SLCO1B1: variants seen among roughly 807,000 people sequenced by gnomAD.
The protein encoded by SLCO1B1 is OATP-2.
SLCO1B1 carries 81 observed loss-of-function variants against 70.1 expected under a neutral mutation model. That is an observed-to-expected ratio of 1.16 (90% CI 0.97 to 1.39). The LOEUF (loss-of-function observed/expected upper bound fraction) is 1.39, where lower values mean the gene tolerates loss of function less well. SLCO1B1 is among the 40% of genes most tolerant of loss of function. SLCO1B1 has a pLI of 0.00. For synonymous variants in SLCO1B1, 283 were observed against 271.5 expected (o/e 1.04, Z -0.42); for missense variants, 895 against 799.6 (o/e 1.12, Z -1.44).
chr12:21,169,573 A>T (rs1053066636), intron 2 of SLCO1B1, among the ~76,000 whole-genome samples: 1 of 152,058 alleles, frequency 6.6e-6, no homozygotes, highest in Non-Finnish European at 1.5e-5. Context: ...TTGGTTCTTC[A>T]TAGTTTATAA....
intron 1 of SLCO1B1, among the ~76,000 whole-genome samples, chr12:21,132,608 G>A (rs903011194): frequency 7.9e-5 from 12 of 152,212 alleles, no homozygotes; most frequent in African/African-American, 2.4e-4. Context: ...ATTTTTTCAC[G>A]TGTTTTTTGG....
chr12:21,222,735 C>G (rs996073997), intron 13 of SLCO1B1, among the ~76,000 whole-genome samples: 2 of 151,844 alleles, frequency 1.3e-5, no homozygotes, highest in Non-Finnish European at 2.9e-5. Flanking sequence ...AATATTTCCT[C>G]CCAGTAGGCA....
intron 1 of SLCO1B1, among the ~76,000 whole-genome samples, chr12:21,134,186 C>T (rs1223777357): frequency 6.6e-6 from 1 of 152,160 alleles, no homozygotes; most frequent in Non-Finnish European, 1.5e-5. Flanking sequence ...ATGAATCCCA[C>T]TTGGTCATGT....
chr12:21,238,092 A>G (rs1021762034), intron 14 of SLCO1B1, among the ~76,000 whole-genome samples: 4 of 152,104 alleles, frequency 2.6e-5, no homozygotes, highest in Admixed American at 1.3e-4. Flanking sequence ...ACCCACTTAT[A>G]TAATTGTCTC....
intron 13 of SLCO1B1, 109 bp downstream of exon 13, chr12:21,222,473 T>G (rs1941440718): frequency 4.0e-6 from 1 of 246,924 alleles, no homozygotes; most frequent in Admixed American, 5.8e-5. Context: ...AATATTAATG[T>G]CAAGGATTAA....
chr12:21,186,959 A>G (rs1940969821), intron 7 of SLCO1B1, among the ~76,000 whole-genome samples: 1 of 152,160 alleles, frequency 6.6e-6, no homozygotes, highest in African/African-American at 2.4e-5. Flanking sequence ...ATTTGGGTTT[A>G]AAAATTTTCA....
At chr12:21,191,579 G>C (rs1941030355) in intron 7 of SLCO1B1, among the ~76,000 whole-genome samples, 1 of 152,014 alleles carries the variant, frequency 6.6e-6, no homozygotes, top group African/African-American at 2.4e-5. Context: ...CCATCTGCAA[G>C]TAGAGGCAAT....
chr12:21,164,906 G>A, intron 2 of SLCO1B1: 1 of 443,606 alleles, frequency 2.3e-6, no homozygotes, highest in Non-Finnish European at 4.4e-6. Flanking sequence ...TGTCATTATT[G>A]GTTTATTGCT....
intron 12 of SLCO1B1, among the ~76,000 whole-genome samples, chr12:21,220,845 A>G (rs2121186686): frequency 6.6e-6 from 1 of 151,694 alleles, no homozygotes; most frequent in South Asian, 2.1e-4. Flanking sequence ...AGAAAACCAC[A>G]AACCAATATC....
At chr12:21,134,097 G>A (rs1351903773) in intron 1 of SLCO1B1, among the ~76,000 whole-genome samples, 4 of 152,152 alleles carry the variant, frequency 2.6e-5, no homozygotes, top group Admixed American at 2.0e-4. Context: ...TGATCATGTA[G>A]TTTTTGTCTT....
At position 21,141,607 on chromosome 12, in the gene SLCO1B1, A is replaced by G; in HGVS notation, c.33A>G (p.Ala11=). 1 of 1,609,314 alleles carries G rather than the reference A, an allele frequency of 6.2e-7. No homozygotes were observed. Among genetic ancestry groups the G allele is most frequent in the Non-Finnish European group, 8.5e-7 (1 of 1,176,526 alleles). The change falls in exon 2 of 15, where the codon GCA becomes GCG. Residue 11 remains alanine (A), a synonymous_variant. Transcript: ENST00000256958. The part of the protein sequence containing the change: MDQNQHLNKT[A]EAQPSENKKT... ...AAAATCAACATTTGAATAAAACAGC[A>G]GAGGCACAACCTTCAGAGAATAAGA...
At chr12:21,180,888 CATACA>C (rs1341010869) in intron 7 of SLCO1B1, among the ~76,000 whole-genome samples, 2 of 152,110 alleles carry the variant, frequency 1.3e-5, no homozygotes, top group African/African-American at 4.8e-5. Context: ...AATTCATCAC[CATACA>C]ATTTCTAACA....
intron 2 of SLCO1B1, among the ~76,000 whole-genome samples, chr12:21,146,758 G>A (rs977567561): frequency 5.9e-5 from 9 of 151,882 alleles, no homozygotes; most frequent in African/African-American, 2.2e-4. Flanking sequence ...TTATCTTTCT[G>A]TTATATTCTA....
At chr12:21,162,190 T>A (rs1258447480) in intron 2 of SLCO1B1, among the ~76,000 whole-genome samples, 1 of 151,886 alleles carries the variant, frequency 6.6e-6, no homozygotes, top group African/African-American at 2.4e-5. Context: ...CACTAATATA[T>A]CCAACAAGAA....
intron 13 of SLCO1B1, 73 bp from the exon 14 acceptor site, chr12:21,224,649 T>C (rs1433438715): frequency 2.2e-6 from 2 of 919,202 alleles, no homozygotes; most frequent in Admixed American, 3.6e-5. Context: ...TCAAAATATA[T>C]CAATGTGGAA....
chr12:21,135,257 T>A (rs1239434892), intron 1 of SLCO1B1, among the ~76,000 whole-genome samples: 1 of 152,202 alleles, frequency 6.6e-6, no homozygotes, highest in Non-Finnish European at 1.5e-5. Context: ...CTTCCAACTA[T>A]GTGGTCAATT....
intron 11 of SLCO1B1, among the ~76,000 whole-genome samples, chr12:21,209,047 A>G (rs189532470): frequency 2.6e-4 from 39 of 150,912 alleles, no homozygotes; most frequent in Admixed American, 1.3e-3. Flanking sequence ...GTTTTTTTTT[A>G]ATTAATTAAT....
intron 2 of SLCO1B1, among the ~76,000 whole-genome samples, chr12:21,160,327 C>A (rs1314184060): frequency 6.6e-6 from 1 of 151,712 alleles, no homozygotes; most frequent in Non-Finnish European, 1.5e-5. Flanking sequence ...AGGCCGCATG[C>A]CTATGAACAT....
chr12:21,230,426 G>A (rs912960521), intron 14 of SLCO1B1, among the ~76,000 whole-genome samples: 49 of 150,090 alleles, frequency 3.3e-4, no homozygotes, highest in African/African-American at 1.2e-3. Context: ...CGCTTCCCAG[G>A]TTCAAGCGAT....
Sources: gnomAD v4.1 joint callset for allele counts (sites outside exome capture counted in the v4.1 genomes callset) on GRCh38, gnomAD v4.1.1 for gene constraint, MANE v1.5 for transcripts, NCBI Gene and HGNC (gene_info 2026-07-23, HGNC 2026-07-21) for gene names.